The following S100B variants were observed in gnomAD, a reference collection of about 807,000 sequenced individuals.
The protein encoded by S100B is protein S100-B.
S100B carries 6 observed loss-of-function variants against 7.7 expected under a neutral mutation model. The observed-to-expected ratio is 0.78, with a 90% CI of 0.43 to 1.54. The LOEUF is 1.54. S100B is among the 40% of genes most tolerant of loss of function. The probability of loss-of-function intolerance (pLI) is 0.01; values close to 1 mark genes in which losing one functional copy is unlikely to be tolerated. For synonymous variants in S100B, 36 were observed against 40.4 expected (o/e 0.89, Z 0.41); for missense variants, 99 against 111.8 (o/e 0.89, Z 0.52).
intron 2 of S100B, chr21:46,600,329 C>A: frequency 2.3e-6 from 1 of 429,848 alleles, no homozygotes; most frequent in Admixed American, 2.5e-5. Context: ...ATAACTTGAG[C>A]ACAGGAAGTT....
At chr21:46,604,418 CTG>C (rs796321407) in intron 1 of S100B, among the ~76,000 whole-genome samples, 12 of 152,254 alleles carry the variant, frequency 7.9e-5, no homozygotes, top group African/African-American at 2.9e-4. Flanking sequence ...CCCTGAGAAA[CTG>C]TGAGACTGAG....
At chr21:46,602,481 A>G in intron 1 of S100B, 65 bp from the exon 2 acceptor site, 2 of 1,517,884 alleles carry the variant, frequency 1.3e-6, no homozygotes, top group Non-Finnish European at 1.8e-6. Flanking sequence ...TTCATATGTT[A>G]TCAATACAGA....
chr21:46,602,226 T>G lies in S100B; in HGVS notation c.138+52A>C, dbSNP rs755827160. ...TGAGAAGATAAAGCCAGTGTACAGATGGATTTTAAGAGGAGATGGAGAAAG... is the reference window on the plus strand; with the variant it reads ...TGAGAAGATAAAGCCAGTGTACAGAGGGATTTTAAGAGGAGATGGAGAAAG... On this transcript the variant is annotated intron_variant, in intron 2 of 2. Coordinates refer to ENST00000291700, the MANE Select transcript of S100B (RefSeq NM_006272.3). 344 of 1,531,950 alleles carry G rather than the reference T, an allele frequency of 2.2e-4. 1 individual carries two copies. Among genetic ancestry groups the G allele is most frequent in the Non-Finnish European group, 3.0e-4 (334 of 1,115,066 alleles). 94.9% of individuals were successfully genotyped at this position (1,531,950 alleles called of 1,614,324 possible).
chr21:46,599,308 C>G lies in S100B; in HGVS notation c.*55G>C. 1 of 1,556,780 alleles carries G rather than the reference C, an allele frequency of 6.4e-7. No individual in the cohort carries two copies. Among genetic ancestry groups the G allele is most frequent in the Non-Finnish European group, 8.8e-7 (1 of 1,136,134 alleles). ...CTACTAGGCTGCAAGCCCTTGCTGT[C>G]TGCTTTCTTGCATGACCGTCTCTGT... On this transcript the variant is annotated 3_prime_UTR_variant, in exon 3 of 3. Coordinates refer to ENST00000291700, the MANE Select transcript of S100B (RefSeq NM_006272.3).
intron 2 of S100B, among the ~76,000 whole-genome samples, chr21:46,601,665 C>T (rs1052924767): frequency 2.0e-5 from 3 of 152,240 alleles, no homozygotes; most frequent in African/African-American, 4.8e-5. Flanking sequence ...GACAGTTCCT[C>T]ACCAATATCC....
intron 1 of S100B, among the ~76,000 whole-genome samples, chr21:46,603,759 C>T (rs999901175): frequency 6.6e-6 from 1 of 151,916 alleles, no homozygotes; most frequent in African/African-American, 2.4e-5. Flanking sequence ...CCGAAGGAAA[C>T]AGGATTGAAG....
rs1555923751 is a variant in S100B, at chr21:46,603,398, T to TGGAGGGAGGGGGGGGC, written c.-1-983_-1-982insGCCCCCCCCTCCCTCC. Among the ~76,000 whole-genome samples, 6 of 52,128 alleles carry TGGAGGGAGGGGGGGGC rather than the reference T, an allele frequency of 1.2e-4. No homozygotes were observed. In the East Asian group the frequency reaches 3.7e-3, roughly 32 times the overall value. 34.2% of individuals were successfully genotyped at this position (52,128 alleles called of 152,430 possible). A position where few individuals can be genotyped will look rare whatever the true frequency, so the allele number is the denominator to read the frequency against. On this transcript the variant is annotated intron_variant, in intron 1 of 2. Transcript: ENST00000291700. ...CAGTGACTGGGACGGCGGGAGGGGG[T>TGGAGGGAGGGGGGGGC]GGGGGCAGGAATAGGTGTTTCTCTG...
At chr21:46,600,668 G>A (rs1261705583) in intron 2 of S100B, among the ~76,000 whole-genome samples, 1 of 152,144 alleles carries the variant, frequency 6.6e-6, no homozygotes, top group East Asian at 1.9e-4. Context: ...ATCTGCTTCC[G>A]AACTGAAATT....
chr21:46,603,086 A>C (rs1051506351), intron 1 of S100B, among the ~76,000 whole-genome samples: 2 of 152,142 alleles, frequency 1.3e-5, no homozygotes, highest in African/African-American at 2.4e-5. Flanking sequence ...ATTCATATGT[A>C]AATTTAAATC....
intron 2 of S100B, among the ~76,000 whole-genome samples, chr21:46,601,796 G>A (rs868301435): frequency 3.3e-5 from 5 of 152,248 alleles, no homozygotes; most frequent in South Asian, 4.1e-4. Context: ...GGGTGCCCCA[G>A]AGCAGAAGCC....
rs796474856 is a variant in S100B at position 46,603,392 on chromosome 21, A to AGGGGGTGGGGGGAGGG, written c.-1-977_-1-976insCCCTCCCCCCACCCCC. ...TCACTGCAGTGACTGGGACGGCGGG[A>AGGGGGTGGGGGGAGGG]GGGGGTGGGGGCAGGAATAGGTGTT... is the stretch of plus-strand genomic sequence containing the variant. On this transcript the variant is annotated intron_variant, in intron 1 of 2. Transcript: ENST00000291700. Among the ~76,000 whole-genome samples, 36 of 38,232 alleles carry AGGGGGTGGGGGGAGGG rather than the reference A, an allele frequency of 9.4e-4. 2 individuals are homozygous for AGGGGGTGGGGGGAGGG. The highest frequency in any genetic ancestry group is 3.3e-3 in the East Asian group (3 of 902). The allele number at this position is 38,232 out of a possible 152,430, so 25.1% of individuals were successfully genotyped here.
intron 1 of S100B, chr21:46,602,665 T>G: frequency 2.6e-6 from 1 of 386,926 alleles, no homozygotes; most frequent in Non-Finnish European, 4.7e-6. Context: ...CGGGGATATA[T>G]TCCCATGCCC....
In S100B at chr21:46,603,716, T is replaced by C. The variant is rs985416164; in HGVS notation, c.-2+1297A>G. Among the ~76,000 whole-genome samples, 3 of 146,506 alleles carry C rather than the reference T, an allele frequency of 2.0e-5. 1 individual carries two copies. The highest frequency in any genetic ancestry group is 4.5e-5 in the Non-Finnish European group (3 of 66,856). ...GAATATATAACTTACATCTTAAAAA[T>C]AATTTGGAATTATTTTATTTATTTC... On this transcript the variant is annotated intron_variant, in intron 1 of 2. Transcript: ENST00000291700.
At chr21:46,600,024 T>C (rs2239575) in intron 2 of S100B, among the ~76,000 whole-genome samples, 14,791 of 152,256 alleles carry the variant, frequency 0.097, 941 homozygotes, top group East Asian at 0.34. Flanking sequence ...ATGAAACTTT[T>C]TCCTGACAGT....
chr21:46,601,783 G>T (rs1023671172), intron 2 of S100B, among the ~76,000 whole-genome samples: 1 of 152,236 alleles, frequency 6.6e-6, no homozygotes, highest in Admixed American at 6.5e-5. Flanking sequence ...CATGTGCCAG[G>T]CTGGGTGCCC....
intron 2 of S100B, chr21:46,600,521 G>A: frequency 3.3e-6 from 1 of 305,654 alleles, no homozygotes; most frequent in Non-Finnish European, 6.5e-6. Context: ...CTCCAACCTG[G>A]GTGACTGAGC....
At chr21:46,600,685 A>G (rs1479171728) in intron 2 of S100B, among the ~76,000 whole-genome samples, 1 of 152,228 alleles carries the variant, frequency 6.6e-6, no homozygotes, top group African/African-American at 2.4e-5. Flanking sequence ...AATTACCTTG[A>G]TAAAACAGGG....
chr21:46,600,286 A>G (rs1303008824), intron 2 of S100B: 3 of 398,128 alleles, frequency 7.5e-6, no homozygotes, highest in Non-Finnish European at 1.5e-5. Flanking sequence ...TCACACCTGT[A>G]ATCCCAGCAC....
chr21:46,603,124 T>A (rs960843123), intron 1 of S100B, among the ~76,000 whole-genome samples: 14 of 151,998 alleles, frequency 9.2e-5, no homozygotes, highest in African/African-American at 2.9e-4. Flanking sequence ...TGGAATTTTT[T>A]TGGATGGGTG....
Sources: allele counts gnomAD v4.1 joint callset (sites outside exome capture counted in the v4.1 genomes callset), GRCh38; gene constraint gnomAD v4.1.1; transcripts MANE v1.5; gene names NCBI Gene and HGNC (gene_info 2026-07-23, HGNC 2026-07-21).